The following DR1 variants were observed in gnomAD, a reference collection of about 807,000 sequenced individuals.
The protein encoded by DR1 is down-regulator of transcription 1, also known as protein Dr1.
DR1 carries 7 observed loss-of-function variants against 19.9 expected under a neutral mutation model. The ratio of observed to expected loss-of-function variants is 0.35; its 90% confidence interval spans 0.20 to 0.66. DR1 has a LOEUF of 0.66. Ranked by LOEUF, DR1 falls within the 30% of genes least tolerant of loss-of-function variation. The probability of loss-of-function intolerance (pLI) is 0.66; values close to 1 mark genes in which losing one functional copy is unlikely to be tolerated. For synonymous variants in DR1, 76 were observed against 72.5 expected, an observed-to-expected ratio of 1.05 and a Z score of -0.24; for missense variants, 98 against 203.7, an observed-to-expected ratio of 0.48 and a Z score of 3.16.
chr1:93,359,910 T>C (rs2101639891), intron 2 of DR1, among the ~76,000 whole-genome samples: 1 of 152,156 alleles, frequency 6.6e-6, no homozygotes, highest in South Asian at 2.1e-4. Flanking sequence ...AGAGAGGGAA[T>C]GAGGGACACA....
intron 1 of DR1, among the ~76,000 whole-genome samples, chr1:93,352,906 T>TC (rs1439783270): frequency 0.014 from 2,110 of 151,554 alleles, 52 homozygotes; most frequent in African/African-American, 0.049. Context: ...TTTTTTTTTT[T>TC]TTTTTTGAAA....
intron 1 of DR1, among the ~76,000 whole-genome samples, chr1:93,352,441 G>A (rs1666924998): frequency 6.6e-6 from 1 of 152,206 alleles, no homozygotes; most frequent in African/African-American, 2.4e-5. Context: ...CAGGGGAAGT[G>A]AGTTAACTTA....
rs1667086837 is a variant in DR1 at position 93,363,711 on chromosome 1, T to C, written c.*3072T>C. 6.6e-6 allele frequency: 1 copy of C among 152,248 alleles called. No individual in the cohort carries two copies. The highest frequency in any genetic ancestry group is 2.1e-4 in the South Asian group (1 of 4,838). The allele number at this position is 152,248 out of a possible 1,614,324, so 9.4% of individuals were successfully genotyped here. ...CACATCTGCAGAATCTCTTTTGCCA[T>C]ATAAGTGACATTCACAGGTTCCAGG... On this transcript the variant is annotated 3_prime_UTR_variant, in exon 3 of 3. Transcript: ENST00000370272.
chr1:93,356,381 A>G (rs564324350), intron 2 of DR1, among the ~76,000 whole-genome samples: 2 of 152,224 alleles, frequency 1.3e-5, no homozygotes, highest in Admixed American at 6.5e-5. Context: ...AGCTGGGACT[A>G]TAGATGTGCA....
At chr1:93,355,615 A>G (rs1223768684) in intron 2 of DR1, 1 of 152,220 alleles carries the variant, frequency 6.6e-6, no homozygotes, top group Non-Finnish European at 1.5e-5. Context: ...CCAGGGCAAA[A>G]TATAAAGAAA....
At chr1:93,358,510 C>A (rs181163070) in intron 2 of DR1, among the ~76,000 whole-genome samples, 1 of 152,190 alleles carries the variant, frequency 6.6e-6, no homozygotes, top group African/African-American at 2.4e-5. Context: ...TGAACCCGCA[C>A]CCCATCCCCC....
chr1:93,355,032 T>A (rs1666962329), intron 2 of DR1: 1 of 152,088 alleles, frequency 6.6e-6, no homozygotes, highest in Non-Finnish European at 1.5e-5. Context: ...GTACATGCAA[T>A]GTTATAATTC....
chr1:93,357,657 A>G (rs992194915), intron 2 of DR1, among the ~76,000 whole-genome samples: 5 of 152,012 alleles, frequency 3.3e-5, no homozygotes, highest in Admixed American at 3.3e-4. Flanking sequence ...TTTCCTTTCA[A>G]TTCTTACTCA....
At chr1:93,355,352 A>C (rs1276684541) in intron 2 of DR1, 1 of 152,236 alleles carries the variant, frequency 6.6e-6, no homozygotes, top group South Asian at 2.1e-4. Context: ...TGCTAGGCTT[A>C]CAAGAGTGAA....
In DR1 at chr1:93,368,789, C is replaced by G. The variant is rs1235533000; in HGVS notation, c.*8150C>G. On this transcript the variant is annotated 3_prime_UTR_variant, in exon 3 of 3. Coordinates refer to ENST00000370272, the MANE Select transcript of DR1 (RefSeq NM_001938.3). ...AGTGTTAGGTTTTCATGTGCAGTTGCCTTACACATATACTAGTAGCCCTTA... is the reference window on the plus strand; with the variant it reads ...AGTGTTAGGTTTTCATGTGCAGTTGGCTTACACATATACTAGTAGCCCTTA... 1 of 152,034 alleles carries G rather than the reference C, an allele frequency of 6.6e-6. No individual in the cohort carries two copies. Among genetic ancestry groups the G allele is most frequent in the Non-Finnish European group, 1.5e-5 (1 of 68,006 alleles). The allele number at this position is 152,034 out of a possible 1,614,324, so 9.4% of individuals were successfully genotyped here.
Position 93,365,192 on chromosome 1 carries a change from C to G in DR1, c.*4553C>G, listed in dbSNP as rs1217209208. 1 of 152,108 alleles carries G rather than the reference C, an allele frequency of 6.6e-6. No homozygotes were observed. Among genetic ancestry groups the G allele is most frequent in the Non-Finnish European group, 1.5e-5 (1 of 67,992 alleles). The allele number at this position is 152,108 out of a possible 1,614,324, so 9.4% of individuals were successfully genotyped here. A position where few individuals can be genotyped will look rare whatever the true frequency, so the allele number is the denominator to read the frequency against. On this transcript the variant is annotated 3_prime_UTR_variant, in exon 3 of 3. Coordinates refer to ENST00000370272, the MANE Select transcript of DR1 (RefSeq NM_001938.3). The stretch of plus-strand genomic sequence containing the variant: ...AATATAGATTGCAGTGGCTAGATTA[C>G]AGTGACTATTCACAGGCATAATCAT...
At chr1:93,349,188 G>A (rs1174857072) in intron 1 of DR1, among the ~76,000 whole-genome samples, 1 of 152,000 alleles carries the variant, frequency 6.6e-6, no homozygotes, top group South Asian at 2.1e-4. Flanking sequence ...TAAGCATTCT[G>A]AGATAGTTCT....
chr1:93,358,243 GC>G (rs1237333700), intron 2 of DR1, among the ~76,000 whole-genome samples: 1 of 152,184 alleles, frequency 6.6e-6, no homozygotes, highest in African/African-American at 2.4e-5. Context: ...ACCTTTCTAT[GC>G]TCTGCTTTGT....
Position 93,362,845 on chromosome 1 carries a change from T to C in DR1, c.*2206T>C, listed in dbSNP as rs1041390719. On this transcript the variant is annotated 3_prime_UTR_variant, in exon 3 of 3. Transcript: ENST00000370272. ...TTTTTTCTTTTTTTTTTTTTTTTTTTTTTTTTTTTAGCATTTAAGAGTCAC... is the reference window on the plus strand; with the variant it reads ...TTTTTTCTTTTTTTTTTTTTTTTTTCTTTTTTTTTAGCATTTAAGAGTCAC... 2.9e-5 allele frequency: 4 copies of C among 137,026 alleles called. No homozygotes were observed. The highest frequency in any genetic ancestry group is 4.8e-5 in the Non-Finnish European group (3 of 62,874). The allele number at this position is 137,026 out of a possible 1,614,324, so 8.5% of individuals were successfully genotyped here. A position where few individuals can be genotyped will look rare whatever the true frequency, so the allele number is the denominator to read the frequency against.
chr1:93,354,443 CTG>C (rs1344953750), intron 2 of DR1, among the ~76,000 whole-genome samples: 4 of 152,140 alleles, frequency 2.6e-5, no homozygotes, highest in Non-Finnish European at 4.4e-5. Context: ...TTAATATCAA[CTG>C]TGTAGTTAAA....
intron 2 of DR1, among the ~76,000 whole-genome samples, chr1:93,356,538 A>G (rs1181817012): frequency 6.6e-6 from 1 of 152,214 alleles, no homozygotes; most frequent in Admixed American, 6.5e-5. Context: ...CAGACCATTG[A>G]ATAGACTACC....
rs923713077 is a variant in DR1, at chr1:93,345,975, C to G, written c.-671C>G. 1 of 154,358 alleles carries G rather than the reference C, an allele frequency of 6.5e-6. No individual in the cohort carries two copies. The highest frequency in any genetic ancestry group is 2.4e-5 in the African/African-American group (1 of 41,460). 9.6% of individuals were successfully genotyped at this position (154,358 alleles called of 1,614,324 possible). On this transcript the variant is annotated 5_prime_UTR_variant, in exon 1 of 3. Transcript: ENST00000370272. ...TCTGGAGGGACCACCGTTGCCGCGT[C>G]TTCGGCTTCCACGATCTGCGTTCGG...
chr1:93,360,084 G>C (rs778972933), intron 2 of DR1, among the ~76,000 whole-genome samples: 3 of 152,170 alleles, frequency 2.0e-5, no homozygotes, highest in Middle Eastern at 3.4e-3. Flanking sequence ...AAAAATGTTT[G>C]TATCAAAGTT....
rs1210443361 is a variant in DR1, at chr1:93,346,533, A to G, written c.-113A>G. On this transcript the variant is annotated 5_prime_UTR_variant, in exon 1 of 3. Transcript: ENST00000370272. ...GTTCATTTTCTGCACCCTCTTCGCA[A>G]AGCACCCCCCGGGATCACTCTCCGA... 6 of 806,600 alleles carry G rather than the reference A, an allele frequency of 7.4e-6. No individual in the cohort carries two copies. In the East Asian group the frequency reaches 1.2e-4, roughly 17 times the overall value. 50.0% of individuals were successfully genotyped at this position (806,600 alleles called of 1,614,324 possible). A position where few individuals can be genotyped will look rare whatever the true frequency, so the allele number is the denominator to read the frequency against.
Sources: gnomAD v4.1 joint callset for allele counts (sites outside exome capture counted in the v4.1 genomes callset) on GRCh38, gnomAD v4.1.1 for gene constraint, MANE v1.5 for transcripts, NCBI Gene and HGNC (gene_info 2026-07-23, HGNC 2026-07-21) for gene names.